IAH1: variants seen among roughly 807,000 people sequenced by gnomAD.
The protein encoded by IAH1 is isoamyl acetate-hydrolyzing esterase 1 homolog.
In IAH1, 24 loss-of-function variants were observed where a neutral mutation model predicts 26.7. The ratio of observed to expected loss-of-function variants is 0.90; its 90% CI spans 0.65 to 1.26. The LOEUF is 1.26. Among genes scored for constraint, IAH1 ranks in the 50% most tolerant of loss-of-function variants. IAH1 has a pLI of 0.00. For missense variants in IAH1, 300 were observed against 299.9 expected (o/e 1.00, Z 0.00); for synonymous variants, 140 against 118.5 (o/e 1.18, Z -1.18).
At chr2:9,492,585 T>G (rs1662247837), downstream of IAH1, among the ~76,000 whole-genome samples, 1 of 152,226 alleles carries the variant, frequency 6.6e-6, no homozygotes, top group African/African-American at 2.4e-5. Context: ...CTGAAAATGC[T>G]CTTCAATAAG....
the IAH1 span, among the ~76,000 whole-genome samples, chr2:9,508,095 C>CT: frequency 6.6e-6 from 1 of 152,326 alleles, no homozygotes; most frequent in Non-Finnish European, 1.5e-5. Context: ...CCCAGGCAGT[C>CT]TGCAAAGTAA....
downstream of IAH1, chr2:9,492,849 G>C (rs1405834131): frequency 1.3e-6 from 2 of 1,493,386 alleles, no homozygotes; most frequent in Non-Finnish European, 1.8e-6. Flanking sequence ...GGTTGGAGTT[G>C]ATCAAAATTT....
At chr2:9,475,218 G>T in intron 1 of IAH1, 1 of 1,288,588 alleles carries the variant, frequency 7.8e-7, no homozygotes, top group Non-Finnish European at 1.0e-6. Context: ...CTAAATGCAG[G>T]TTCTTACTTC....
At chr2:9,498,445 G>A (rs1558497810), downstream of IAH1, among the ~76,000 whole-genome samples, 2 of 152,196 alleles carry the variant, frequency 1.3e-5, no homozygotes, top group Admixed American at 1.3e-4. Flanking sequence ...AACACAAATA[G>A]AGGAGGAGAA....
chr2:9,485,233 G>A (rs1192975049), intron 5 of IAH1: 9 of 152,254 alleles, frequency 5.9e-5, no homozygotes, highest in African/African-American at 2.2e-4. Context: ...GATACTACTC[G>A]GCAATAAAGA....
Position 9,474,558 on chromosome 2 carries a change from G to GCCCC in IAH1, c.-9_-8insCCCC. 9.6e-6 allele frequency: 10 copies of GCCCC among 1,042,412 alleles called. No individual in the cohort carries two copies. The highest frequency in any genetic ancestry group is 1.3e-5 in the Non-Finnish European group (10 of 749,318). 64.6% of individuals were successfully genotyped at this position (1,042,412 alleles called of 1,614,324 possible). A position where few individuals can be genotyped will look rare whatever the true frequency, so the allele number is the denominator to read the frequency against. On this transcript the variant is annotated 5_prime_UTR_variant, in exon 1 of 6. Coordinates refer to ENST00000497473, the MANE Select transcript of IAH1 (RefSeq NM_001039613.3). This position sits in a 1 kb window ranked among gnomAD's most constrained non-coding sequence, Gnocchi z 4.3. ...CTGGCGGCCCCGCCCCGCCCCGCCC[G>GCCCC]GCTGCTCCATGGCGCTGTGCGAGGC...
At chr2:9,487,833 TGCGCGCGCGC>T (rs138868847) in intron 5 of IAH1, among the ~76,000 whole-genome samples, 1,123 of 82,744 alleles carry the variant, frequency 0.014, 15 homozygotes, top group African/African-American at 0.037. Flanking sequence ...TGTGTGTGTG[TGCGCGCGCGC>T]GCGCGCGCTG....
intron 5 of IAH1, chr2:9,487,397 A>T (rs991924719): frequency 1.3e-5 from 2 of 152,180 alleles, no homozygotes; most frequent in African/African-American, 4.8e-5. Flanking sequence ...ATATTGACTC[A>T]TGGGGCCCCT....
downstream of IAH1, chr2:9,490,528 CAT>C: frequency 6.2e-7 from 1 of 1,606,028 alleles, no homozygotes; most frequent in East Asian, 2.2e-5. Flanking sequence ...TCTGCAAAGA[CAT>C]GGGTTCAATT....
At chr2:9,497,001 G>A (rs1662659445), downstream of IAH1, 6 of 1,476,950 alleles carry the variant, frequency 4.1e-6, no homozygotes, top group Admixed American at 2.1e-5. Context: ...CCTCATCCTC[G>A]GCTTGGATCT....
chr2:9,490,151 T>G (rs773726116), downstream of IAH1: 7 of 1,559,606 alleles, frequency 4.5e-6, no homozygotes, highest in Non-Finnish European at 6.1e-6. Context: ...TTTTGCACAC[T>G]TAAGTCAGAA....
chr2:9,510,319 G>A, the IAH1 span, among the ~76,000 whole-genome samples: 421 of 152,220 alleles, frequency 2.8e-3, 2 homozygotes, highest in African/African-American at 9.8e-3. Context: ...AGGAGTTTGA[G>A]GCCAGCCTGG....
At chr2:9,510,441 G>A in the IAH1 span, among the ~76,000 whole-genome samples, 1 of 152,066 alleles carries the variant, frequency 6.6e-6, no homozygotes, top group Non-Finnish European at 1.5e-5. Flanking sequence ...TGAGGCAGGT[G>A]GATCACGAGG....
chr2:9,504,057 G>A, the IAH1 span, among the ~76,000 whole-genome samples: 2 of 151,138 alleles, frequency 1.3e-5, no homozygotes, highest in Non-Finnish European at 2.9e-5. Context: ...AGGCTGAGGT[G>A]GAAGGACTGA....
the IAH1 span, among the ~76,000 whole-genome samples, chr2:9,508,668 C>G: frequency 6.6e-6 from 1 of 152,084 alleles, no homozygotes; most frequent in Non-Finnish European, 1.5e-5. Flanking sequence ...CAGTTTCTAG[C>G]CACATTTCAA....
Position 9,481,268 on chromosome 2 carries a change from CAT to C in IAH1, c.284-17_284-16del. 1 of 1,613,426 alleles carries C rather than the reference CAT, an allele frequency of 6.2e-7. No homozygotes were observed. Among genetic ancestry groups the C allele is most frequent in the Non-Finnish European group, 8.5e-7 (1 of 1,179,534 alleles). On this transcript the variant is annotated splice_polypyrimidine_tract_variant and intron_variant, in intron 3 of 5. Transcript: ENST00000497473. ...AATAAATATGCATCTGGTGAGGACT[CAT>C]GTTTCTCTTGAGCAGATGAGAATCC...
the IAH1 span, chr2:9,505,716 T>A: frequency 1.2e-5 from 3 of 257,076 alleles, no homozygotes; most frequent in East Asian, 1.7e-4. Context: ...AGACTTGAAA[T>A]CTCCTCACCT....
At chr2:9,488,096 C>G in intron 5 of IAH1, 51 bp from the exon 6 acceptor site, 1 of 1,258,812 alleles carries the variant, frequency 7.9e-7, no homozygotes, top group Admixed American at 2.3e-5. Flanking sequence ...CAGGGGTGAG[C>G]TACCACACGT....
chr2:9,481,495 G>A (rs768662952), intron 4 of IAH1, 48 bp downstream of exon 4: 7 of 1,592,124 alleles, frequency 4.4e-6, no homozygotes, highest in Non-Finnish European at 5.2e-6. Context: ...GGAATGCTGA[G>A]GGAGGAACTC....
Sources: allele counts gnomAD v4.1 joint callset (sites outside exome capture counted in the v4.1 genomes callset), GRCh38; gene constraint gnomAD v4.1.1; non-coding constraint Gnocchi (gnomAD v3.1); transcripts MANE v1.5; gene names NCBI Gene and HGNC (gene_info 2026-07-23, HGNC 2026-07-21).